The following FBXO3 variants were observed in gnomAD, a reference collection of about 807,000 sequenced individuals.
FBXO3 encodes the protein F-box protein 3, also known as F-box only protein 3.
In FBXO3, 17 loss-of-function variants were observed where a neutral mutation model predicts 64.8. The ratio of observed to expected loss-of-function variants is 0.26; its 90% confidence interval spans 0.18 to 0.39. The LOEUF (loss-of-function observed/expected upper bound fraction) is 0.39, where lower values mean the gene tolerates loss of function less well. Among genes scored for constraint, FBXO3 ranks in the 10% least tolerant of loss-of-function variants. FBXO3 has a pLI of 1.00. For missense variants in FBXO3, 420 were observed against 589.9 expected (o/e 0.71, Z 2.98); for synonymous variants, 182 against 201.6 (o/e 0.90, Z 0.82).
chr11:33,745,944 A>G lies in FBXO3; in HGVS notation c.1239+1186T>C, dbSNP rs1461932374. ...TAAGAACAAAAGAGGACAAGTGACTATGGCTTTTGTAGCCATTAAAAGGAT... is the reference window on the plus strand; with the variant it reads ...TAAGAACAAAAGAGGACAAGTGACTGTGGCTTTTGTAGCCATTAAAAGGAT... On this transcript the variant is annotated intron_variant, in intron 10 of 10. Coordinates refer to ENST00000265651, the MANE Select transcript of FBXO3 (RefSeq NM_012175.4). 3.3e-5 allele frequency: 5 copies of G among 152,200 alleles called. No homozygotes were observed. In the East Asian group the frequency reaches 9.6e-4, roughly 29 times the overall value. The allele number at this position is 152,200 out of a possible 1,614,324, so 9.4% of individuals were successfully genotyped here. A position where few individuals can be genotyped will look rare whatever the true frequency, so the allele number is the denominator to read the frequency against.
intron 3 of FBXO3, 104 bp downstream of exon 3, chr11:33,768,747 G>T: frequency 2.3e-6 from 3 of 1,323,978 alleles, no homozygotes; most frequent in Non-Finnish European, 3.3e-6. Context: ...GACAAAGTTG[G>T]GTTAACACAG....
intron 3 of FBXO3, among the ~76,000 whole-genome samples, chr11:33,763,863 C>A (rs1402858274): frequency 6.6e-6 from 1 of 152,086 alleles, no homozygotes. Flanking sequence ...TAGGGAAATG[C>A]AAATTAAAAC....
rs537531760 is a variant in FBXO3 at position 33,747,283 on chromosome 11, T to C, written c.1086A>G (p.Glu362=). 23 of 1,613,458 alleles carry C rather than the reference T, an allele frequency of 1.4e-5. No individual in the cohort carries two copies. The Middle Eastern group carries it at 5.0e-4, about 35-fold the overall frequency. The change falls in exon 10 of 11, where the codon GAA becomes GAG. Residue 362 remains glutamate, a synonymous_variant. Transcript: ENST00000265651. The stretch of plus-strand genomic sequence containing the variant: ...TAGAGAATGTGGTACAGCTTGTGTA[T>C]TCATATACCCGACCTGGGCTGATGA... ...FPIISPGRVY[E]YTSCTTFSTT...
rs1177383277 is a variant in FBXO3 at position 33,742,041 on chromosome 11, T to C, written c.1283A>G (p.Glu428Gly). 2 of 1,607,040 alleles carry C rather than the reference T, an allele frequency of 1.2e-6. No homozygotes were observed. The highest frequency in any genetic ancestry group is 4.5e-5 in the East Asian group (2 of 44,812). The change falls in exon 11 of 11, where the codon GAG becomes GGG. Residue 428 changes from glutamate (E) to glycine (G), a missense_variant. Glu to Gly is a moderately conservative substitution (Grantham distance 98). This residue lies in a region of FBXO3 where 337 missense variants were observed against 518.4 expected (regional missense o/e 0.65). Coordinates refer to ENST00000265651, the MANE Select transcript of FBXO3 (RefSeq NM_012175.4). The part of the protein sequence containing the change: ...DEYEEMEEEE[E>G]EEEEEDEDDD... ...ATCCTCGTCTTCCTCCTCTTCCTCC[T>C]CCTCCTCTTCTTCCATCTCTTCATA...
intron 10 of FBXO3, 58 bp downstream of exon 10, chr11:33,747,072 C>T: frequency 1.9e-6 from 3 of 1,586,822 alleles, no homozygotes; most frequent in Admixed American, 2.0e-5. Context: ...CCTGGCTTAT[C>T]TGCAGTGTTA....
chr11:33,747,196 G>T lies in FBXO3; in HGVS notation c.1173C>A (p.Ile391=), dbSNP rs763139751. Residue 391 remains isoleucine, a synonymous_variant, in exon 10 of 11, where the codon ATC becomes ATA. Transcript: ENST00000265651. ...GGAATCGGGGAATGGCAACATTAAA[G>T]ATCTTGTCTTTAAAGTAAAGAAAAT... The part of the protein sequence containing the change: ...TFHFLYFKDK[I]FNVAIPRFHM... The T allele has an allele frequency of 1.9e-6, 3 of 1,611,260 alleles. No individual in the cohort carries two copies. Among genetic ancestry groups the T allele is most frequent in the Non-Finnish European group, 2.5e-6 (3 of 1,179,372 alleles).
At chr11:33,750,074 G>A (rs900283877) in intron 8 of FBXO3, among the ~76,000 whole-genome samples, 5 of 152,072 alleles carry the variant, frequency 3.3e-5, no homozygotes, top group East Asian at 3.9e-4. Flanking sequence ...TCTAACTAAC[G>A]TAAATTTAAA....
chr11:33,757,864 C>T (rs1409680389), intron 4 of FBXO3, among the ~76,000 whole-genome samples: 2 of 149,660 alleles, frequency 1.3e-5, no homozygotes, highest in South Asian at 2.1e-4. Context: ...GCTGAGGTGG[C>T]AGGATTGCTT....
chr11:33,763,197 C>T, intron 3 of FBXO3: 1 of 407,454 alleles, frequency 2.5e-6, no homozygotes, highest in Non-Finnish European at 5.0e-6. Flanking sequence ...AAAATAAGAC[C>T]AAGCTTACAT....
chr11:33,754,946 A>G (rs1590571453), intron 5 of FBXO3, among the ~76,000 whole-genome samples: 1 of 148,520 alleles, frequency 6.7e-6, no homozygotes, highest in Admixed American at 6.7e-5. Context: ...GCTCACTATG[A>G]CCTCCGCCTC....
chr11:33,757,674 A>AAAAAAAAAAAAAAAAAAC (rs1232157620), intron 4 of FBXO3, among the ~76,000 whole-genome samples: 1 of 142,658 alleles, frequency 7.0e-6, no homozygotes, highest in Non-Finnish European at 1.5e-5. Context: ...AAAAAAAAAA[A>AAAAAAAAAAAAAAAAAAC]AAAAAAAGTC....
intron 3 of FBXO3, among the ~76,000 whole-genome samples, chr11:33,766,634 A>C (rs775134777): frequency 6.6e-6 from 1 of 152,236 alleles, no homozygotes; most frequent in Non-Finnish European, 1.5e-5. Flanking sequence ...ATGTGACAAC[A>C]ATATATCTTA....
At chr11:33,763,379 C>A in intron 3 of FBXO3, 1 of 325,010 alleles carries the variant, frequency 3.1e-6, no homozygotes, top group Non-Finnish European at 6.3e-6. Flanking sequence ...AGATTATATC[C>A]AGTACATATA....
chr11:33,765,613 T>C (rs1439224531), intron 3 of FBXO3, among the ~76,000 whole-genome samples: 1 of 152,096 alleles, frequency 6.6e-6, no homozygotes, highest in Non-Finnish European at 1.5e-5. Flanking sequence ...TTTGACATAG[T>C]TTGTATATTT....
rs146948221 is a variant in FBXO3, at chr11:33,746,288, C to T, written c.1239+842G>A. ...ACTGGAAATACAGTTTCTGGCATTC[C>T]TCCACTGGGAAGAAATCTAAATCTT... is the stretch of plus-strand genomic sequence containing the variant. On this transcript the variant is annotated intron_variant, in intron 10 of 10. Coordinates refer to ENST00000265651, the MANE Select transcript of FBXO3 (RefSeq NM_012175.4). 84 of 203,138 alleles carry T rather than the reference C, an allele frequency of 4.1e-4. No individual in the cohort carries two copies. The East Asian group carries it at 8.2e-3, about 20-fold the overall frequency. 12.6% of individuals were successfully genotyped at this position (203,138 alleles called of 1,614,324 possible).
intron 2 of FBXO3, among the ~76,000 whole-genome samples, chr11:33,770,211 G>A (rs1855479608): frequency 6.6e-6 from 1 of 152,160 alleles, no homozygotes; most frequent in Admixed American, 6.5e-5. Flanking sequence ...TCTGTCTAAA[G>A]CTTGCAGCTT....
intron 10 of FBXO3, 67 bp from the exon 11 acceptor site, chr11:33,742,151 T>G: frequency 7.2e-7 from 1 of 1,393,190 alleles, no homozygotes; most frequent in South Asian, 1.6e-5. Context: ...TTCATGTAAA[T>G]TCTCATTTAT....
chr11:33,753,544 C>G (rs995956003), intron 6 of FBXO3: 4 of 152,222 alleles, frequency 2.6e-5, no homozygotes, highest in Admixed American at 2.6e-4. Flanking sequence ...GAGTGCTTAA[C>G]TTAGAAACCA....
rs1392542806 is a variant in FBXO3, at chr11:33,750,519, A to T, written c.932+20T>A. The T allele has an allele frequency of 2.5e-6, 4 of 1,613,166 alleles. No individual in the cohort carries two copies. The South Asian group carries it at 4.4e-5, about 18-fold the overall frequency. ...ATATCCCACCATTAACTGAAAGGTG[A>T]CCCCATTTAAAATTCTCACCTGATT... On this transcript the variant is annotated intron_variant, in intron 8 of 10. Transcript: ENST00000265651.
Sources: gnomAD v4.1 joint callset for allele counts (sites outside exome capture counted in the v4.1 genomes callset) on GRCh38, gnomAD v4.1.1 for gene constraint, gnomAD v4.1.1 regional missense constraint, MANE v1.5 for transcripts, NCBI Gene and HGNC (gene_info 2026-07-23, HGNC 2026-07-21) for gene names.